The following TSHR variants were observed in gnomAD, a reference collection of about 807,000 sequenced individuals.
TSHR encodes thyrotropin receptor.
In TSHR, 51 loss-of-function variants were observed where a neutral mutation model predicts 64.1. That is an observed-to-expected ratio of 0.80 (90% CI 0.64 to 1.01). TSHR has a LOEUF of 1.01. TSHR is among the 50% of genes least tolerant of loss of function. TSHR has a pLI of 0.00. For missense variants in TSHR, 877 were observed against 942.8 expected, an observed-to-expected ratio of 0.93 and a Z score of 0.91; for synonymous variants, 361 against 361.9, an observed-to-expected ratio of 1.00 and a Z score of 0.03.
chr14:80,973,437 A>G (rs1302314648), intron 1 of TSHR, among the ~76,000 whole-genome samples: 1 of 148,320 alleles, frequency 6.7e-6, no homozygotes, highest in Non-Finnish European at 1.5e-5. Context: ...AAATCTGTGT[A>G]CTTATTCTCA....
intron 2 of TSHR, 83 bp from the exon 3 acceptor site, chr14:81,068,170 CA>C: frequency 3.7e-6 from 5 of 1,366,904 alleles, no homozygotes; most frequent in African/African-American, 2.9e-5. Context: ...AAGCGCATAA[CA>C]AAAAGTTATG....
chr14:81,130,996 TC>T lies in TSHR; in HGVS notation c.693-8681del, dbSNP rs1349309095. Reference sequence around the variant, plus strand: ...CTGGGCGACAGAGCGAGACTCCGTCTCCAAAAAAAAAAAAAAAAAAAAACAC... The same window carrying T: ...CTGGGCGACAGAGCGAGACTCCGTCTCAAAAAAAAAAAAAAAAAAAAACAC... On this transcript the variant is annotated intron_variant, in intron 8 of 9. Coordinates refer to ENST00000298171, the MANE Select transcript of TSHR (RefSeq NM_000369.5). Among the ~76,000 whole-genome samples, 2 of 34,058 alleles carry T rather than the reference TC, an allele frequency of 5.9e-5. 1 individual carries two copies. Among genetic ancestry groups the T allele is most frequent in the Non-Finnish European group, 8.4e-5 (2 of 23,872 alleles). The allele number at this position is 34,058 out of a possible 152,430, so 22.3% of individuals were successfully genotyped here. A position where few individuals can be genotyped will look rare whatever the true frequency, so the allele number is the denominator to read the frequency against.
chr14:81,050,127 T>G (rs977550811), intron 1 of TSHR: 7 of 152,238 alleles, frequency 4.6e-5, no homozygotes, highest in Admixed American at 2.6e-4. Flanking sequence ...TAAAATCTCT[T>G]AAGGGAAACA....
intron 1 of TSHR, among the ~76,000 whole-genome samples, chr14:80,970,158 G>A (rs1033399968): frequency 1.3e-5 from 2 of 152,174 alleles, no homozygotes; most frequent in African/African-American, 4.8e-5. Context: ...CCATCAAGTG[G>A]TCATATGGAG....
At chr14:80,956,015 T>G (rs1049180956) in intron 1 of TSHR, 165 bp downstream of exon 1, 3 of 802,834 alleles carry the variant, frequency 3.7e-6, no homozygotes, top group African/African-American at 3.4e-5. Flanking sequence ...TGCTAAAAAC[T>G]TAATCGCCCA....
At position 81,143,254 on chromosome 14, in the gene TSHR, C is replaced by A. The variant is rs770115363; in HGVS notation, c.1196C>A (p.Thr399Asn). The A allele has an allele frequency of 6.2e-7, 1 of 1,614,108 alleles. No individual in the cohort carries two copies. The highest frequency in any genetic ancestry group is 1.1e-5 in the South Asian group (1 of 91,076). Reference sequence around the variant, plus strand: ...GGGGACAGTGAAGACATGGTGTGTACCCCCAAGTCCGATGAGTTCAACCCG... The same window carrying A: ...GGGGACAGTGAAGACATGGTGTGTAACCCCAAGTCCGATGAGTTCAACCCG... ...ICGDSEDMVCTPKSDEFNPCE... is the reference protein window; with the variant it reads ...ICGDSEDMVCNPKSDEFNPCE... The change falls in exon 10 of 10, where the codon ACC becomes AAC. Residue 399 changes from threonine to asparagine, a missense_variant. Thr to Asn is a moderately conservative substitution (Grantham distance 65). Transcript: ENST00000298171.
At chr14:80,957,533 A>G (rs113783404) in intron 1 of TSHR, among the ~76,000 whole-genome samples, 3,121 of 152,256 alleles carry the variant, frequency 0.02, 54 homozygotes, top group Non-Finnish European at 0.032. Context: ...TGTCCACTCT[A>G]TGTTGGGGAG....
chr14:81,104,377 C>G (rs753684704), intron 7 of TSHR: 100 of 985,424 alleles, frequency 1.0e-4, no homozygotes, highest in Non-Finnish European at 1.2e-4. Flanking sequence ...CATAAAGGGA[C>G]TGTGGAGGCA....
At chr14:81,025,749 A>G (rs149802428) in intron 1 of TSHR, among the ~76,000 whole-genome samples, 149 of 152,350 alleles carry the variant, frequency 9.8e-4, no homozygotes, top group African/African-American at 3.2e-3. Flanking sequence ...TGATCCCTAA[A>G]CTGCTTTCTG....
At chr14:81,041,834 A>G (rs1197890980) in intron 1 of TSHR, among the ~76,000 whole-genome samples, 1 of 152,158 alleles carries the variant, frequency 6.6e-6, no homozygotes, top group Non-Finnish European at 1.5e-5. Context: ...AATATACTAT[A>G]CAGGTTTCTA....
In TSHR at chr14:81,126,464, C is replaced by T. The variant is rs188794235; in HGVS notation, c.693-13215C>T. ...GTAAATGTTTCCTATCTATGCCAGG[C>T]CAAAAAGTAAACTAGATAGCTTTTC... On this transcript the variant is annotated intron_variant, in intron 8 of 9. Transcript: ENST00000298171. 4.8e-3 allele frequency among the ~76,000 whole-genome samples: 734 copies of T among 152,176 alleles called. 10 individuals carry two copies. Among genetic ancestry groups the T allele is most frequent in the Middle Eastern group, 0.031 (9 of 294 alleles).
At chr14:81,087,738 ATG>A (rs111476983) in intron 3 of TSHR, 1 of 603,154 alleles carries the variant, frequency 1.7e-6, no homozygotes, top group Admixed American at 2.6e-5. Flanking sequence ...CAAGCCAACA[ATG>A]CAAAAGAGCT....
Position 81,144,159 on chromosome 14 carries a change from C to T in TSHR, c.2101C>T (p.Arg701Cys), listed in dbSNP as rs137908024. The change falls in exon 10 of 10, where the codon CGC becomes TGC. Residue 701 changes from arginine to cysteine, a missense_variant. By Grantham distance (180) the Arg-to-Cys change is radical. Coordinates refer to ENST00000298171, the MANE Select transcript of TSHR (RefSeq NM_000369.5). ...ILLSKFGICK[R>C]QAQAYRGQRV... ...ACTCAGCAAGTTTGGCATCTGTAAA[C>T]GCCAGGCTCAGGCATACCGGGGGCA... The T allele has an allele frequency of 3.0e-5, 49 of 1,614,016 alleles. No individual in the cohort carries two copies. The highest frequency in any genetic ancestry group is 2.3e-4 in the African/African-American group (17 of 74,894).
At chr14:81,121,161 G>A (rs28701878) in intron 8 of TSHR, among the ~76,000 whole-genome samples, 10,306 of 151,708 alleles carry the variant, frequency 0.068, 901 homozygotes, top group East Asian at 0.23. Context: ...AAAGACCCAC[G>A]GAGAACCCAT....
intron 2 of TSHR, among the ~76,000 whole-genome samples, chr14:81,065,640 T>C (rs1886556583): frequency 6.6e-6 from 1 of 152,148 alleles, no homozygotes; most frequent in South Asian, 2.1e-4. Flanking sequence ...CTTGTGTTAA[T>C]CCCATTTACC....
intron 1 of TSHR, among the ~76,000 whole-genome samples, chr14:80,961,505 G>A (rs1887028032): frequency 6.6e-6 from 1 of 152,146 alleles, no homozygotes. Flanking sequence ...GTGTTCAAGA[G>A]CTTTGAAGAA....
intron 6 of TSHR, among the ~76,000 whole-genome samples, chr14:81,094,881 C>A (rs980783746): frequency 2.0e-5 from 3 of 151,728 alleles, no homozygotes; most frequent in Non-Finnish European, 2.9e-5. Context: ...TTATTTGATC[C>A]TCTCTGCAAC....
intron 8 of TSHR, among the ~76,000 whole-genome samples, chr14:81,138,586 C>T (rs985107545): frequency 3.3e-5 from 5 of 152,092 alleles, no homozygotes; most frequent in Admixed American, 6.6e-5. Flanking sequence ...TGCACCAACC[C>T]TTTCCTCACA....
chr14:81,087,993 T>C lies in TSHR; in HGVS notation c.357T>C (p.Pro119=). The change falls in exon 4 of 10, where the codon CCT becomes CCC. Residue 119 remains proline, a synonymous_variant. Transcript: ENST00000298171. ...CCAGGAACTTAACTTACATAGACCCTGATGCCCTCAAAGAGCTCCCCCTCC... is the reference window on the plus strand; with the variant it reads ...CCAGGAACTTAACTTACATAGACCCCGATGCCCTCAAAGAGCTCCCCCTCC... The part of the protein sequence containing the change: ...RNTRNLTYID[P]DALKELPLLK... The C allele has an allele frequency of 1.9e-6, 3 of 1,613,962 alleles. No homozygotes were observed. Among genetic ancestry groups the C allele is most frequent in the South Asian group, 1.1e-5 (1 of 91,076 alleles).
Sources: allele counts gnomAD v4.1 joint callset (sites outside exome capture counted in the v4.1 genomes callset), GRCh38; gene constraint gnomAD v4.1.1; transcripts MANE v1.5; gene names NCBI Gene and HGNC (gene_info 2026-07-23, HGNC 2026-07-21).